EYA1: variants seen among roughly 807,000 people sequenced by gnomAD.
EYA1 encodes protein phosphatase EYA1.
Under a neutral mutation model 82.0 loss-of-function variants are expected in EYA1, and 16 were observed. The observed-to-expected ratio is 0.20, with a 90% CI of 0.13 to 0.30. The LOEUF (loss-of-function observed/expected upper bound fraction) is 0.30. EYA1 is among the 10% of genes least tolerant of loss of function. The probability of loss-of-function intolerance (pLI) is 1.00; values close to 1 mark genes in which losing one functional copy is unlikely to be tolerated. For synonymous variants in EYA1, 261 were observed against 264.4 expected (o/e 0.99, Z 0.12); for missense variants, 633 against 730.7 (o/e 0.87, Z 1.54).
At chr8:71,290,459 AT>A (rs1818873894) in intron 9 of EYA1, among the ~76,000 whole-genome samples, 1 of 152,194 alleles carries the variant, frequency 6.6e-6, no homozygotes, top group South Asian at 2.1e-4. Flanking sequence ...TAATAAACTA[AT>A]TTAATTAGCT....
intron 2 of EYA1, among the ~76,000 whole-genome samples, chr8:71,472,062 C>A (rs1396971644): frequency 6.6e-6 from 1 of 152,084 alleles, no homozygotes; most frequent in Non-Finnish European, 1.5e-5. Context: ...AAGCAAAGAT[C>A]ATTTGGACCT....
chr8:71,281,380 G>A (rs552454126), intron 9 of EYA1, among the ~76,000 whole-genome samples: 17 of 152,248 alleles, frequency 1.1e-4, no homozygotes, highest in South Asian at 2.1e-4. Flanking sequence ...TTGTGGTATC[G>A]TCATTTAAGA....
intron 2 of EYA1, among the ~76,000 whole-genome samples, chr8:71,421,655 T>C (rs1434903317): frequency 1.3e-5 from 2 of 152,126 alleles, no homozygotes; most frequent in Admixed American, 1.3e-4. Flanking sequence ...TGAACAGCTG[T>C]TTGGTGGTGG....
intron 2 of EYA1, among the ~76,000 whole-genome samples, chr8:71,504,045 T>C (rs550456116): frequency 6.6e-6 from 1 of 152,340 alleles, no homozygotes; most frequent in South Asian, 2.1e-4. Context: ...CTGGTGTACA[T>C]AAATGTTTTA....
At chr8:71,248,534 T>C (rs1365074892) in intron 11 of EYA1, among the ~76,000 whole-genome samples, 2 of 152,190 alleles carry the variant, frequency 1.3e-5, no homozygotes, top group African/African-American at 4.8e-5. Context: ...AGAAAACACC[T>C]ACTCTTTGAC....
chr8:71,461,719 G>A (rs911119247), intron 2 of EYA1, among the ~76,000 whole-genome samples: 4 of 152,262 alleles, frequency 2.6e-5, no homozygotes, highest in African/African-American at 7.2e-5. Flanking sequence ...ACAAGTGGAG[G>A]GTGAGCAAGA....
intron 9 of EYA1, among the ~76,000 whole-genome samples, chr8:71,279,015 T>G (rs1044782791): frequency 7.2e-5 from 11 of 152,198 alleles, no homozygotes; most frequent in African/African-American, 2.7e-4. Context: ...TCTCACCACA[T>G]GTACAATGAC....
Position 71,272,945 on chromosome 8 carries a change from C to T in EYA1, c.827-1048G>A, listed in dbSNP as rs147788817. ...GAAAACCACTGTTTGAAGAGAACAACTGAAGGCTTGGTAGCCTTTATTAAC... is the reference window on the plus strand; with the variant it reads ...GAAAACCACTGTTTGAAGAGAACAATTGAAGGCTTGGTAGCCTTTATTAAC... On this transcript the variant is annotated intron_variant, in intron 9 of 17. Coordinates refer to ENST00000340726, the MANE Select transcript of EYA1 (RefSeq NM_000503.6). Among the ~76,000 whole-genome samples the T allele has an allele frequency of 5.8e-3, 878 of 152,324 alleles. 8 individuals carry two copies. Among genetic ancestry groups the T allele is most frequent in the African/African-American group, 0.02 (840 of 41,568 alleles).
At position 71,395,879 on chromosome 8, in the gene EYA1, T is replaced by TGG. The variant is rs769159554; in HGVS notation, c.34-39369_34-39368insCC. ...TCAGAAGGAATGGTACCAGCTCCTG[T>TGG]TTGTACATGTGGTAGAATTCGGCTG... On this transcript the variant is annotated intron_variant, in intron 2 of 18. Coordinates refer to the EYA1 transcript ENST00000643681. Among the ~76,000 whole-genome samples the TGG allele has an allele frequency of 6.2e-4, 94 of 152,188 alleles. 1 individual carries two copies. In the East Asian group the frequency reaches 0.014, roughly 23 times the overall value.
chr8:71,371,584 A>C (rs1828083065), intron 2 of EYA1, among the ~76,000 whole-genome samples: 1 of 152,220 alleles, frequency 6.6e-6, no homozygotes, highest in Non-Finnish European at 1.5e-5. Context: ...CTACTGTTAA[A>C]TATAAGCCAA....
intron 14 of EYA1, among the ~76,000 whole-genome samples, chr8:71,216,465 G>T (rs1484295874): frequency 2.0e-5 from 3 of 152,070 alleles, no homozygotes; most frequent in Non-Finnish European, 4.4e-5. Flanking sequence ...CTTGCCCCAG[G>T]TCACATCACT....
rs1263352919 is a variant in EYA1 at position 71,215,702 on chromosome 8, C to T, written c.1387G>A (p.Ala463Thr). 8 of 1,613,958 alleles carry T rather than the reference C, an allele frequency of 5.0e-6. No homozygotes were observed. The highest frequency in any genetic ancestry group is 6.8e-6 in the Non-Finnish European group (8 of 1,179,960). Residue 463 changes from alanine to threonine, a missense_variant, in exon 15 of 18, where the codon GCC (alanine) becomes ACC (threonine). Transcript: ENST00000340726. ...ATTTCGGCCCTCAACTGCAGCCAGG[C>T]TTCCCTCTTAGCTGGACCAAGCAGA... ...GGLLGPAKRE[A>T]WLQLRAEIEA...
chr8:71,271,653 A>G (rs1816546224), intron 10 of EYA1, 105 bp downstream of exon 10: 1 of 1,227,672 alleles, frequency 8.1e-7, no homozygotes, highest in Admixed American at 1.7e-5. Context: ...CAGTAACAAA[A>G]GCATCTGATA....
At chr8:71,265,711 C>T (rs1815713640) in intron 11 of EYA1, among the ~76,000 whole-genome samples, 2 of 152,110 alleles carry the variant, frequency 1.3e-5, no homozygotes. Flanking sequence ...TGAAAAATAA[C>T]CCAAGAATAG....
intron 2 of EYA1, among the ~76,000 whole-genome samples, chr8:71,400,496 C>A (rs375555776): frequency 3.9e-5 from 6 of 152,166 alleles, no homozygotes; most frequent in African/African-American, 1.2e-4. Context: ...ATAGACACTT[C>A]TCAAAAGCAA....
chr8:71,249,031 T>G (rs1162351989), intron 11 of EYA1, among the ~76,000 whole-genome samples: 3 of 152,212 alleles, frequency 2.0e-5, no homozygotes, highest in Non-Finnish European at 4.4e-5. Flanking sequence ...AACACCATTT[T>G]TTGTTATATC....
intron 2 of EYA1, among the ~76,000 whole-genome samples, chr8:71,406,932 A>T (rs1180135891): frequency 1.4e-5 from 2 of 144,166 alleles, no homozygotes; most frequent in East Asian, 4.0e-4. Context: ...GGCACAGACA[A>T]ACAAAAAGAC....
intron 13 of EYA1, 33 bp from the exon 14 acceptor site, chr8:71,216,885 C>T (rs374214527): frequency 3.8e-5 from 61 of 1,613,520 alleles, no homozygotes; most frequent in Middle Eastern, 1.6e-4. Flanking sequence ...CAAAGTTAGC[C>T]GAACAGAAAG....
chr8:71,506,849 G>A (rs1039199708), intron 2 of EYA1, among the ~76,000 whole-genome samples: 7 of 151,744 alleles, frequency 4.6e-5, no homozygotes. Context: ...TCTAAAACAT[G>A]CATAACATGA....
Sources: gnomAD v4.1 joint callset for allele counts (sites outside exome capture counted in the v4.1 genomes callset) on GRCh38, gnomAD v4.1.1 for gene constraint, MANE v1.5 for transcripts, NCBI Gene and HGNC (gene_info 2026-07-23, HGNC 2026-07-21) for gene names.